CMKLR1: variants seen among roughly 807,000 people sequenced by gnomAD.
The protein encoded by CMKLR1 is chemerin chemokine-like receptor 1, also known as chemerin-like receptor 1.
Under a neutral mutation model 8.2 loss-of-function variants are expected in CMKLR1, and 6 were observed. The ratio of observed to expected loss-of-function variants is 0.73; its 90% CI spans 0.40 to 1.44. CMKLR1 has a LOEUF of 1.44. Ranked by LOEUF, CMKLR1 falls within the 40% of genes most tolerant of loss-of-function variation. The pLI, the probability that CMKLR1 is intolerant of heterozygous loss-of-function variation, is 0.02. For synonymous variants in CMKLR1, 178 were observed against 181.2 expected (o/e 0.98, Z 0.14); for missense variants, 429 against 478.0 (o/e 0.90, Z 0.96).
chr12:108,335,962 T>C (rs1203833475), intron 1 of CMKLR1, among the ~76,000 whole-genome samples: 1 of 152,226 alleles, frequency 6.6e-6, no homozygotes, highest in Non-Finnish European at 1.5e-5. Flanking sequence ...TAAGACAAAG[T>C]TTCGCTTCTT....
At chr12:108,325,462 A>G (rs1381550655) in intron 2 of CMKLR1, among the ~76,000 whole-genome samples, 1 of 152,194 alleles carries the variant, frequency 6.6e-6, no homozygotes, top group African/African-American at 2.4e-5. Context: ...TTGCACCCCT[A>G]CTGTTATCAG....
At chr12:108,303,251 C>T (rs1280133749) in intron 2 of CMKLR1, among the ~76,000 whole-genome samples, 2 of 152,198 alleles carry the variant, frequency 1.3e-5, no homozygotes, top group African/African-American at 2.4e-5. Flanking sequence ...CGAGCCCAGC[C>T]CCTGCTGGGG....
chr12:108,336,655 T>C (rs1318243244), intron 1 of CMKLR1, among the ~76,000 whole-genome samples: 1 of 152,194 alleles, frequency 6.6e-6, no homozygotes, highest in Non-Finnish European at 1.5e-5. Flanking sequence ...CTGGCGGTAA[T>C]GTCTGCACCC....
At chr12:108,325,233 G>A (rs7314414) in intron 2 of CMKLR1, among the ~76,000 whole-genome samples, 16,505 of 152,120 alleles carry the variant, frequency 0.11, 1,650 homozygotes, top group African/African-American at 0.24. Flanking sequence ...CTCATGAGTC[G>A]TTCTGGAAAC....
intron 2 of CMKLR1, among the ~76,000 whole-genome samples, chr12:108,303,913 G>A (rs901669480): frequency 1.2e-4 from 18 of 152,166 alleles, no homozygotes; most frequent in Non-Finnish European, 2.1e-4. Context: ...AGCCTTCTGC[G>A]CCCCAGAGCT....
At chr12:108,293,505 C>G (rs1891049314) in intron 3 of CMKLR1, 84 bp downstream of exon 3, 6 of 1,440,500 alleles carry the variant, frequency 4.2e-6, no homozygotes, top group Non-Finnish European at 5.7e-6. Flanking sequence ...ACCAAGTGGA[C>G]AGCCTTGTTG....
Position 108,292,846 on chromosome 12 carries a change from G to T in CMKLR1, c.117C>A (p.Thr39=), listed in dbSNP as rs761137943. 1 of 1,614,104 alleles carries T rather than the reference G, an allele frequency of 6.2e-7. No individual in the cohort carries two copies. Residue 39 remains threonine, a synonymous_variant, in exon 4 of 4, where the codon ACC becomes ACA. Coordinates refer to ENST00000550402, the MANE Select transcript of CMKLR1 (RefSeq NM_001142343.2). The part of the protein sequence containing the change: ...EDLSPLEARV[T]RIFLVVVYSI... ...TGTAGACCACCACCAGGAAGATCCT[G>T]GTCACCCTGGCTTCCAAGGGGGATA...
chr12:108,317,269 T>C (rs1891757555), intron 2 of CMKLR1, among the ~76,000 whole-genome samples: 1 of 152,216 alleles, frequency 6.6e-6, no homozygotes, highest in Admixed American at 6.5e-5. Context: ...CATTATGTGC[T>C]CTAGAGGTTC....
chr12:108,322,032 G>A (rs934817972), intron 2 of CMKLR1, among the ~76,000 whole-genome samples: 2 of 152,232 alleles, frequency 1.3e-5, no homozygotes, highest in Non-Finnish European at 2.9e-5. Flanking sequence ...AGGTTGAGGG[G>A]AAGGTAGAAG....
chr12:108,336,178 G>C (rs1026175297), intron 1 of CMKLR1, among the ~76,000 whole-genome samples: 3 of 152,306 alleles, frequency 2.0e-5, no homozygotes, highest in Admixed American at 2.0e-4. Context: ...TGAATGACCT[G>C]GGGTGCTGGT....
At chr12:108,304,185 G>A (rs769488423) in intron 2 of CMKLR1, among the ~76,000 whole-genome samples, 2 of 152,164 alleles carry the variant, frequency 1.3e-5, no homozygotes, top group African/African-American at 4.8e-5. Context: ...GTCTCCATGG[G>A]TCGACTTGGC....
At chr12:108,303,214 G>A (rs1278648505) in intron 2 of CMKLR1, among the ~76,000 whole-genome samples, 3 of 152,220 alleles carry the variant, frequency 2.0e-5, no homozygotes, top group African/African-American at 7.2e-5. Flanking sequence ...GCTGTGCAAA[G>A]AGTCCTGGGC....
rs552924417 is a variant in CMKLR1, at chr12:108,327,883, G to T, written c.-74+2112C>A. Among the ~76,000 whole-genome samples the T allele has an allele frequency of 3.9e-5, 6 of 152,328 alleles. No homozygotes were observed. In the South Asian group the frequency reaches 1.0e-3, roughly 26 times the overall value. ...CGGGGTGGGACGGGGCTGAGAAAGT[G>T]TGGATCAGAGGCCAGCCTTCCAGGA... On this transcript the variant is annotated intron_variant, in intron 2 of 3. Coordinates refer to ENST00000550402, the MANE Select transcript of CMKLR1 (RefSeq NM_001142343.2).
intron 2 of CMKLR1, among the ~76,000 whole-genome samples, chr12:108,308,445 G>A (rs1891461885): frequency 6.6e-6 from 1 of 152,108 alleles, no homozygotes; most frequent in African/African-American, 2.4e-5. Flanking sequence ...ATCTGGTCCA[G>A]GGTAGCCCCG....
intron 2 of CMKLR1, 75 bp from the exon 3 acceptor site, chr12:108,293,739 C>A: frequency 1.3e-6 from 1 of 763,180 alleles, no homozygotes. Context: ...GTGGACCCAG[C>A]CAGAAATAAG....
At chr12:108,318,571 C>A (rs1891787031) in intron 2 of CMKLR1, among the ~76,000 whole-genome samples, 1 of 152,132 alleles carries the variant, frequency 6.6e-6, no homozygotes, top group South Asian at 2.1e-4. Flanking sequence ...ATGACAGTAT[C>A]CACAGTGTGA....
At chr12:108,297,724 G>A (rs905527404) in intron 2 of CMKLR1, among the ~76,000 whole-genome samples, 1 of 152,130 alleles carries the variant, frequency 6.6e-6, no homozygotes, top group African/African-American at 2.4e-5. Context: ...GGTTCCTCCT[G>A]TTTCCCTGAG....
In CMKLR1 at chr12:108,292,600, G is replaced by A. The variant is rs1392854603; in HGVS notation, c.363C>T (p.His121=). 6.2e-7 allele frequency: 1 copy of A among 1,614,082 alleles called. No homozygotes were observed. Among genetic ancestry groups the A allele is most frequent in the African/African-American group, 1.3e-5 (1 of 74,920 alleles). Residue 121 remains histidine (H), a synonymous_variant, in exon 4 of 4, where the codon CAC becomes CAT. Transcript: ENST00000550402. Reference sequence around the variant, plus strand: ...GCAGGAAGACGCTGGTGAACATGTTGTGGATGAGAAGGAAGTTGCTGATCT... The same window carrying A: ...GCAGGAAGACGCTGGTGAACATGTTATGGATGAGAAGGAAGTTGCTGATCT... The part of the protein sequence containing the change: ...MCKISNFLLI[H]NMFTSVFLLT...
At chr12:108,309,693 C>T (rs925131715) in intron 2 of CMKLR1, among the ~76,000 whole-genome samples, 1 of 152,214 alleles carries the variant, frequency 6.6e-6, no homozygotes, top group African/African-American at 2.4e-5. Context: ...CACCTAAATT[C>T]CAGGCTTCCA....
Sources: gnomAD v4.1 joint callset for allele counts (sites outside exome capture counted in the v4.1 genomes callset) on GRCh38, gnomAD v4.1.1 for gene constraint, MANE v1.5 for transcripts, NCBI Gene and HGNC (gene_info 2026-07-23, HGNC 2026-07-21) for gene names.